Variants in SMAD3 observed in about 807,000 individuals in gnomAD.
The protein encoded by SMAD3 is MAD homolog 3.
Under a neutral mutation model 51.8 loss-of-function variants are expected in SMAD3, and 12 were observed. The ratio of observed to expected loss-of-function variants is 0.23; its 90% CI spans 0.15 to 0.38. The LOEUF (loss-of-function observed/expected upper bound fraction) is 0.38, where lower values mean the gene tolerates loss of function less well. Among genes scored for constraint, SMAD3 ranks in the 10% least tolerant of loss-of-function variants. The probability of loss-of-function intolerance (pLI) is 1.00; values close to 1 mark genes in which losing one functional copy is unlikely to be tolerated. For synonymous variants in SMAD3, 238 were observed against 227.7 expected, an observed-to-expected ratio of 1.05 and a Z score of -0.41; for missense variants, 294 against 565.6, an observed-to-expected ratio of 0.52 and a Z score of 4.87.
At position 67,112,851 on chromosome 15, in the gene SMAD3, T is replaced by G. The variant is rs1289095275; in HGVS notation, c.206+46491T>G. Among the ~76,000 whole-genome samples, 2 of 131,038 alleles carry G rather than the reference T, an allele frequency of 1.5e-5. 1 individual carries two copies. The highest frequency in any genetic ancestry group is 3.1e-5 in the Non-Finnish European group (2 of 63,950). The allele number at this position is 131,038 out of a possible 152,430, so 86.0% of individuals were successfully genotyped here. A position where few individuals can be genotyped will look rare whatever the true frequency, so the allele number is the denominator to read the frequency against. ...GAGGTAGGGGTTCAACTTCATTCTT[T>G]TGCATGTGAATATCCAGATGTCCAT... On this transcript the variant is annotated intron_variant, in intron 1 of 8. Coordinates refer to ENST00000327367, the MANE Select transcript of SMAD3 (RefSeq NM_005902.4).
At chr15:67,158,446 C>T (rs1269529150) in intron 1 of SMAD3, among the ~76,000 whole-genome samples, 2 of 152,238 alleles carry the variant, frequency 1.3e-5, no homozygotes, top group African/African-American at 4.8e-5. Context: ...AATTGCATGG[C>T]ACAGAGAAGC....
rs550136672 is a variant in SMAD3, at chr15:67,073,516, G to C, written c.206+7156G>C. Among the ~76,000 whole-genome samples, 3 of 152,304 alleles carry C rather than the reference G, an allele frequency of 2.0e-5. No individual in the cohort carries two copies. In the East Asian group the frequency reaches 5.8e-4, roughly 29 times the overall value. Reference sequence around the variant, plus strand: ...TGGAGGTAGGAGTCAGCAGACCTTGGTAGGTTCTAGACGTGGCTCTGTTTC... The same window carrying C: ...TGGAGGTAGGAGTCAGCAGACCTTGCTAGGTTCTAGACGTGGCTCTGTTTC... On this transcript the variant is annotated intron_variant, in intron 1 of 8. Coordinates refer to ENST00000327367, the MANE Select transcript of SMAD3 (RefSeq NM_005902.4).
intron 1 of SMAD3, among the ~76,000 whole-genome samples, chr15:67,117,975 C>G (rs1961173265): frequency 6.6e-6 from 1 of 152,182 alleles, no homozygotes; most frequent in African/African-American, 2.4e-5. Context: ...GCCTGTAATC[C>G]CAGCTACTCA....
intron 1 of SMAD3, among the ~76,000 whole-genome samples, chr15:67,077,137 GTTTGTTACCTTGA>G (rs1960187103): frequency 6.6e-6 from 1 of 151,828 alleles, no homozygotes; most frequent in Non-Finnish European, 1.5e-5. Flanking sequence ...CTGTGTAACC[GTTTGTTACCTTGA>G]TTTGTCTTTA....
chr15:67,189,554 C>T (rs750129564), intron 8 of SMAD3, among the ~76,000 whole-genome samples: 4 of 152,250 alleles, frequency 2.6e-5, no homozygotes, highest in Admixed American at 2.0e-4. Context: ...CGGGCGGGCG[C>T]GGCCCCTTCC....
At chr15:67,125,561 C>T (rs191302628) in intron 1 of SMAD3, among the ~76,000 whole-genome samples, 10 of 152,296 alleles carry the variant, frequency 6.6e-5, no homozygotes, top group Admixed American at 5.2e-4. Flanking sequence ...ACTTTTTAGG[C>T]GTTATTGGGC....
chr15:67,115,079 G>C (rs1010522902), intron 1 of SMAD3, among the ~76,000 whole-genome samples: 10 of 152,130 alleles, frequency 6.6e-5, no homozygotes, highest in African/African-American at 2.4e-4. Context: ...TTGGGATCTG[G>C]AGTAAGCCCA....
In SMAD3 at chr15:67,128,946, T is replaced by C. The variant is rs1961455992; in HGVS notation, c.207-35949T>C. Among the ~76,000 whole-genome samples the C allele has an allele frequency of 2.6e-5, 4 of 152,170 alleles. No homozygotes were observed. The South Asian group carries it at 8.3e-4, about 32-fold the overall frequency. On this transcript the variant is annotated intron_variant, in intron 1 of 8. Transcript: ENST00000327367. ...CGATGTGCACCTTGAGCACAGAGTG[T>C]TGAGTGCGTGGTGGATGGATGTCAT...
At chr15:67,158,630 G>C (rs748252830) in intron 1 of SMAD3, among the ~76,000 whole-genome samples, 1 of 152,214 alleles carries the variant, frequency 6.6e-6, no homozygotes, top group Non-Finnish European at 1.5e-5. Context: ...GTGATCCTGC[G>C]ACATGCACTT....
intron 1 of SMAD3, among the ~76,000 whole-genome samples, chr15:67,098,351 A>AGAGAGC (rs1555407138): frequency 4.4e-4 from 53 of 121,746 alleles, no homozygotes; most frequent in East Asian, 3.0e-3. Context: ...AGGGAGGGAG[A>AGAGAGC]GAGCGAGCGA....
At chr15:67,190,073 G>T (rs1408998366) in intron 8 of SMAD3, among the ~76,000 whole-genome samples, 1 of 152,026 alleles carries the variant, frequency 6.6e-6, no homozygotes, top group Non-Finnish European at 1.5e-5. Flanking sequence ...CAGGATGGAG[G>T]TCTCCTCTAT....
At chr15:67,088,695 G>A (rs12912885) in intron 1 of SMAD3, among the ~76,000 whole-genome samples, 77,254 of 152,004 alleles carry the variant, frequency 0.51, 20,402 homozygotes, top group South Asian at 0.72. Context: ...TTTGGGAGCC[G>A]AGGTGGGCGA....
At chr15:67,146,626 G>A (rs1961981549) in intron 1 of SMAD3, among the ~76,000 whole-genome samples, 1 of 152,184 alleles carries the variant, frequency 6.6e-6, no homozygotes, top group African/African-American at 2.4e-5. Flanking sequence ...CAGAGACATT[G>A]TCTCTGTGTT....
intron 1 of SMAD3, among the ~76,000 whole-genome samples, chr15:67,114,561 G>A (rs1961094620): frequency 1.3e-5 from 2 of 152,170 alleles, no homozygotes; most frequent in South Asian, 4.1e-4. Flanking sequence ...CTTTAAAGGG[G>A]TAGTTGTCAT....
chr15:67,172,453 C>T (rs1290632750), intron 5 of SMAD3, among the ~76,000 whole-genome samples: 1 of 152,208 alleles, frequency 6.6e-6, no homozygotes, highest in Non-Finnish European at 1.5e-5. Context: ...CCCCTGTGCT[C>T]CCCTTCACCC....
rs565790696 is a variant in SMAD3 at position 67,065,717 on chromosome 15, C to G, written c.-438C>G. ...GAGGAGGGTGGCGGGGCGGTGAGGC[C>G]GCAGAGGCGGAGGGATCTGCGCATC... On this transcript the variant is annotated 5_prime_UTR_variant, in exon 1 of 9. Coordinates refer to ENST00000327367, the MANE Select transcript of SMAD3 (RefSeq NM_005902.4). 1 of 199,470 alleles carries G rather than the reference C, an allele frequency of 5.0e-6. No individual in the cohort carries two copies. The highest frequency in any genetic ancestry group is 2.3e-5 in the African/African-American group (1 of 43,334). The allele number at this position is 199,470 out of a possible 1,614,324, so 12.4% of individuals were successfully genotyped here.
intron 4 of SMAD3, among the ~76,000 whole-genome samples, chr15:67,167,177 C>A (rs1007700735): frequency 6.6e-6 from 1 of 152,118 alleles, no homozygotes; most frequent in African/African-American, 2.4e-5. Context: ...CCAGGTTTTT[C>A]CCCAGGTTGA....
intron 1 of SMAD3, among the ~76,000 whole-genome samples, chr15:67,144,311 C>G (rs1276921647): frequency 1.8e-4 from 28 of 151,942 alleles, no homozygotes; most frequent in Admixed American, 1.8e-3. Flanking sequence ...ATTCATCCAT[C>G]TTTTTGCATG....
intron 1 of SMAD3, among the ~76,000 whole-genome samples, chr15:67,103,792 C>T (rs1387367227): frequency 1.3e-5 from 2 of 152,296 alleles, no homozygotes; most frequent in East Asian, 1.9e-4. Context: ...CTGGATCCAC[C>T]GTTTCGGCTT....
Sources: gnomAD v4.1 joint callset for allele counts (sites outside exome capture counted in the v4.1 genomes callset) on GRCh38, gnomAD v4.1.1 for gene constraint, MANE v1.5 for transcripts, NCBI Gene and HGNC (gene_info 2026-07-23, HGNC 2026-07-21) for gene names.